ARPP21: variants seen among roughly 807,000 people sequenced by gnomAD.
ARPP21 encodes cAMP regulated phosphoprotein 21.
Under a neutral mutation model 113.2 loss-of-function variants are expected in ARPP21, and 69 were observed. The observed-to-expected ratio is 0.61, with a 90% CI of 0.50 to 0.74. The LOEUF is 0.74. ARPP21 is among the 30% of genes least tolerant of loss of function. The pLI is 0.00. For missense variants in ARPP21, 1,070 were observed against 1,037.4 expected (o/e 1.03, Z -0.43); for synonymous variants, 368 against 375.5 (o/e 0.98, Z 0.23).
chr3:35,659,384 G>T (rs564260976), intron 1 of ARPP21, among the ~76,000 whole-genome samples: 1 of 152,194 alleles, frequency 6.6e-6, no homozygotes, highest in East Asian at 1.9e-4. Flanking sequence ...AATATTTTAA[G>T]CAATTGAAAA....
intron 1 of ARPP21, among the ~76,000 whole-genome samples, chr3:35,645,969 C>T (rs944589092): frequency 6.6e-6 from 1 of 151,912 alleles, no homozygotes; most frequent in Non-Finnish European, 1.5e-5. Context: ...CAAAATTGAA[C>T]ATCAATTTCT....
intron 9 of ARPP21, among the ~76,000 whole-genome samples, chr3:35,705,191 G>GA (rs551524035): frequency 1.6e-4 from 24 of 150,150 alleles, no homozygotes; most frequent in East Asian, 1.2e-3. Context: ...ACTTGCTATG[G>GA]AAAAAAAAAT....
rs776838616 is a variant in ARPP21 at position 35,683,810 on chromosome 3, G to A, written c.256G>A (p.Asp86Asn). The change falls in exon 5 of 21, where the codon GAT becomes AAT. Residue 86 changes from aspartate to asparagine, a missense_variant. Transcript: ENST00000684406. ...SARPGGESLQ[D>N]QESIHLQLSS... ...CAGACCAGGAGGTGAAAGTCTTCAG[G>A]ATCAGGTATATCCCCTTGCCATTAT... 4.2e-6 allele frequency: 6 copies of A among 1,433,856 alleles called. No individual in the cohort carries two copies. The highest frequency in any genetic ancestry group is 5.9e-6 in the Non-Finnish European group (6 of 1,017,732). The allele number at this position is 1,433,856 out of a possible 1,614,324, so 88.8% of individuals were successfully genotyped here. A position where few individuals can be genotyped will look rare whatever the true frequency, so the allele number is the denominator to read the frequency against.
chr3:35,695,096 C>T (rs1394920502), intron 9 of ARPP21, among the ~76,000 whole-genome samples: 2 of 151,368 alleles, frequency 1.3e-5, no homozygotes, highest in African/African-American at 2.4e-5. Flanking sequence ...TGAACCTCTT[C>T]ATTTTGTTAT....
At chr3:35,712,932 T>C (rs1039993533) in intron 11 of ARPP21, among the ~76,000 whole-genome samples, 1 of 152,192 alleles carries the variant, frequency 6.6e-6, no homozygotes, top group Non-Finnish European at 1.5e-5. Context: ...ATGTTTTGCC[T>C]GGAGGCTAAT....
At chr3:35,689,708 GC>G (rs1391059376) in intron 7 of ARPP21, among the ~76,000 whole-genome samples, 1 of 151,578 alleles carries the variant, frequency 6.6e-6, no homozygotes, top group African/African-American at 2.4e-5. Context: ...TTTTAATGCA[GC>G]TATGTATTCA....
intron 19 of ARPP21, chr3:35,744,480 C>T: frequency 1.9e-6 from 1 of 530,746 alleles, no homozygotes. Context: ...AGCCACTGTG[C>T]AGTGGGAAGG....
chr3:35,673,393 C>T lies in ARPP21; in HGVS notation c.-212-6394C>T, dbSNP rs983517987. Among the ~76,000 whole-genome samples the T allele has an allele frequency of 7.2e-5, 11 of 152,034 alleles. No individual in the cohort carries two copies. In the South Asian group the frequency reaches 1.0e-3, roughly 14 times the overall value. On this transcript the variant is annotated intron_variant, in intron 1 of 20. Transcript: ENST00000684406. ...CCCCTAGAAAGAAAATCCTTTCATT[C>T]GTTTTGCTGTTAAGGAGGGAGCTGA...
chr3:35,667,061 C>T (rs1315022775), intron 1 of ARPP21, among the ~76,000 whole-genome samples: 1 of 152,134 alleles, frequency 6.6e-6, no homozygotes, highest in Non-Finnish European at 1.5e-5. Context: ...TGCCTCACCC[C>T]TAGAGTGAAA....
At chr3:35,645,905 A>G (rs1053598713) in intron 1 of ARPP21, among the ~76,000 whole-genome samples, 2 of 152,042 alleles carry the variant, frequency 1.3e-5, no homozygotes, top group Non-Finnish European at 2.9e-5. Flanking sequence ...ATTTTGGTCT[A>G]GTTGAAATTG....
At chr3:35,727,716 G>T (rs2093639548) in intron 14 of ARPP21, among the ~76,000 whole-genome samples, 1 of 152,116 alleles carries the variant, frequency 6.6e-6, no homozygotes, top group East Asian at 1.9e-4. Context: ...TATTACACAA[G>T]TAATCTATTA....
intron 14 of ARPP21, among the ~76,000 whole-genome samples, chr3:35,723,680 T>C (rs2093312233): frequency 6.6e-6 from 1 of 152,234 alleles, no homozygotes; most frequent in South Asian, 2.1e-4. Context: ...ATAGTCATTC[T>C]TCATGCACCA....
chr3:35,784,417 G>A (rs138407994), intron 19 of ARPP21, among the ~76,000 whole-genome samples: 210 of 152,252 alleles, frequency 1.4e-3, no homozygotes, highest in Non-Finnish European at 2.3e-3. Flanking sequence ...ACAAATCAGC[G>A]CTTTTGTTTT....
At chr3:35,685,293 TC>T in intron 5 of ARPP21, 1 of 985,314 alleles carries the variant, frequency 1.0e-6, no homozygotes, top group Non-Finnish European at 1.2e-6. Context: ...GGTGCTTTGT[TC>T]CTGCTGGTTC....
chr3:35,764,050 G>A (rs575196818), intron 19 of ARPP21, among the ~76,000 whole-genome samples: 2 of 151,922 alleles, frequency 1.3e-5, no homozygotes, highest in South Asian at 4.2e-4. Flanking sequence ...AGAGAGGATT[G>A]AATTGCTAAG....
At chr3:35,757,768 T>C (rs933026487) in intron 19 of ARPP21, among the ~76,000 whole-genome samples, 3 of 152,138 alleles carry the variant, frequency 2.0e-5, no homozygotes, top group African/African-American at 7.2e-5. Flanking sequence ...ATGTTGTAGA[T>C]TTAAACATGT....
intron 19 of ARPP21, among the ~76,000 whole-genome samples, chr3:35,748,058 A>AGAAGGAAGGAAG (rs754411154): frequency 0.028 from 2,231 of 80,958 alleles, 26 homozygotes; most frequent in Non-Finnish European, 0.035. Flanking sequence ...AAGAAAAGGA[A>AGAAGGAAGGAAG]GAAGGAAGGA....
chr3:35,687,524 G>A (rs2080991838), intron 5 of ARPP21, among the ~76,000 whole-genome samples: 1 of 151,120 alleles, frequency 6.6e-6, no homozygotes, highest in Non-Finnish European at 1.5e-5. Context: ...CAAAGTTTTA[G>A]TACTAGATGT....
chr3:35,748,884 G>A (rs963451854), intron 19 of ARPP21, among the ~76,000 whole-genome samples: 8 of 152,312 alleles, frequency 5.3e-5, no homozygotes, highest in African/African-American at 1.4e-4. Context: ...GAAATACACC[G>A]TTCCTTCTTT....
Sources: gnomAD v4.1 joint callset for allele counts (sites outside exome capture counted in the v4.1 genomes callset) on GRCh38, gnomAD v4.1.1 for gene constraint, MANE v1.5 for transcripts, NCBI Gene and HGNC (gene_info 2026-07-23, HGNC 2026-07-21) for gene names.